Variants in ZFYVE16 observed in about 807,000 individuals in gnomAD.
ZFYVE16 encodes the protein zinc finger FYVE-type containing 16.
ZFYVE16 carries 89 observed loss-of-function variants against 138.1 expected under a neutral mutation model. The ratio of observed to expected loss-of-function variants is 0.64; its 90% CI spans 0.54 to 0.77. The LOEUF (loss-of-function observed/expected upper bound fraction) is 0.77, where lower values mean the gene tolerates loss of function less well. Ranked by LOEUF, ZFYVE16 falls within the 30% of genes least tolerant of loss-of-function variation. ZFYVE16 has a pLI of 0.00. For missense variants in ZFYVE16, 1,793 were observed against 1,786.7 expected (o/e 1.00, Z -0.06); for synonymous variants, 596 against 618.3 (o/e 0.96, Z 0.53).
At chr5:80,420,429 A>G (rs555140777) in intron 1 of ZFYVE16, among the ~76,000 whole-genome samples, 45 of 152,058 alleles carry the variant, frequency 3.0e-4, no homozygotes, top group Admixed American at 1.3e-4. Flanking sequence ...ATATCTCCTA[A>G]TGCTATCCCT....
intron 2 of ZFYVE16, 132 bp from the exon 3 acceptor site, chr5:80,433,977 A>G (rs1561262696): frequency 3.5e-6 from 2 of 571,592 alleles, no homozygotes; most frequent in Admixed American, 3.2e-5. Flanking sequence ...ACTAAATTGT[A>G]TATTCCTTAA....
At chr5:80,417,529 G>A (rs1460767535) in intron 1 of ZFYVE16, among the ~76,000 whole-genome samples, 1 of 152,100 alleles carries the variant, frequency 6.6e-6, no homozygotes, top group African/African-American at 2.4e-5. Flanking sequence ...TATCATTGGT[G>A]TTTTACTGTC....
chr5:80,410,639 C>T (rs769183565), intron 1 of ZFYVE16, among the ~76,000 whole-genome samples: 23 of 151,864 alleles, frequency 1.5e-4, no homozygotes, highest in Non-Finnish European at 2.2e-4. Flanking sequence ...GGCGTGATCT[C>T]GGCTCACTGT....
In ZFYVE16 at chr5:80,438,829, G is replaced by A. The variant is rs1157294437; in HGVS notation, c.2144G>A (p.Gly715Glu). The A allele has an allele frequency of 6.2e-7, 1 of 1,614,084 alleles. No individual in the cohort carries two copies. Among genetic ancestry groups the A allele is most frequent in the Non-Finnish European group, 8.5e-7 (1 of 1,179,974 alleles). The change falls in exon 4 of 19, where the codon GGA becomes GAA. Residue 715 changes from glycine to glutamate, a missense_variant. Physicochemically the swap from Gly to Glu is moderately conservative, Grantham distance 98 (BLOSUM62 -2). This residue lies in a region of ZFYVE16 where 1,295 missense variants were observed against 1,204.3 expected (regional missense o/e 1.08). Transcript: ENST00000505560. ...GATATAGAAAGTAATTCTGAAGGTG[G>A]ATCTAGTTTCGTAACTGCAAATGAA... is the stretch of plus-strand genomic sequence containing the variant. ...YIDIESNSEGGSSFVTANEDS... is the reference protein window; with the variant it reads ...YIDIESNSEGESSFVTANEDS...
intron 2 of ZFYVE16, among the ~76,000 whole-genome samples, chr5:80,430,721 A>T (rs1274995078): frequency 1.3e-5 from 2 of 152,232 alleles, no homozygotes; most frequent in Non-Finnish European, 2.9e-5. Context: ...AAGAGAGAAG[A>T]ATCAAATAGA....
intron 2 of ZFYVE16, among the ~76,000 whole-genome samples, chr5:80,431,042 T>C (rs537739134): frequency 9.8e-5 from 15 of 152,306 alleles, no homozygotes; most frequent in South Asian, 8.3e-4. Context: ...CTTCTGAAAC[T>C]ATTCCAATCA....
chr5:80,459,596 G>T (rs1473084641), intron 15 of ZFYVE16, 102 bp downstream of exon 15: 13 of 963,954 alleles, frequency 1.3e-5, no homozygotes, highest in Non-Finnish European at 1.7e-5. Context: ...AAGTTATAAA[G>T]CACAGTACCA....
At chr5:80,407,934 C>T (rs994176076), upstream of ZFYVE16, 4 of 152,362 alleles carry the variant, frequency 2.6e-5, no homozygotes, top group Non-Finnish European at 5.9e-5. Context: ...GCGCAAGCGC[C>T]CCGGGCCTGG....
intron 1 of ZFYVE16, among the ~76,000 whole-genome samples, chr5:80,427,135 C>T (rs999126090): frequency 4.0e-5 from 6 of 151,806 alleles, no homozygotes; most frequent in African/African-American, 9.7e-5. Context: ...CCTCCTGCCT[C>T]TTGCCTCCCT....
chr5:80,414,803 AG>A (rs1745970937), intron 1 of ZFYVE16, among the ~76,000 whole-genome samples: 1 of 152,236 alleles, frequency 6.6e-6, no homozygotes, highest in Non-Finnish European at 1.5e-5. Context: ...TTTAGAAAAG[AG>A]AAAAAAGAGC....
intron 18 of ZFYVE16, among the ~76,000 whole-genome samples, chr5:80,476,192 C>T (rs1754892960): frequency 6.6e-6 from 1 of 152,184 alleles, no homozygotes; most frequent in Non-Finnish European, 1.5e-5. Context: ...GATCTGTGGC[C>T]TCCCAAAGTG....
In ZFYVE16 at chr5:80,437,230, G is replaced by A. The variant is rs369000245; in HGVS notation, c.545G>A (p.Ser182Asn). 1.2e-6 allele frequency: 2 copies of A among 1,613,966 alleles called. No homozygotes were observed. The highest frequency in any genetic ancestry group is 8.5e-7 in the Non-Finnish European group (1 of 1,179,946). Reference sequence around the variant, plus strand: ...TGTGTTTCTTCAACAGACCATGATAGTGATACTGTCAGAGAACAACAGAAT... The same window carrying A: ...TGTGTTTCTTCAACAGACCATGATAATGATACTGTCAGAGAACAACAGAAT... The part of the protein sequence containing the change: ...TPCVSSTDHD[S>N]DTVREQQNDI... Residue 182 changes from serine to asparagine, a missense_variant, in exon 4 of 19, where the codon AGT becomes AAT. Coordinates refer to ENST00000505560, the MANE Select transcript of ZFYVE16 (RefSeq NM_001284236.3).
intron 6 of ZFYVE16, among the ~76,000 whole-genome samples, chr5:80,445,060 C>T (rs902949100): frequency 2.0e-5 from 3 of 152,106 alleles, no homozygotes; most frequent in African/African-American, 7.2e-5. Context: ...CTCCTGCTCC[C>T]TTTGTACGAA....
In ZFYVE16 at chr5:80,444,014, T is replaced by C. The variant is rs1163756307; in HGVS notation, c.2581+730T>C. The C allele has an allele frequency of 5.5e-5, 18 of 327,206 alleles. 1 individual carries two copies. Among genetic ancestry groups the C allele is most frequent in the Non-Finnish European group, 1.8e-5 (3 of 165,850 alleles). The allele number at this position is 327,206 out of a possible 1,614,324, so 20.3% of individuals were successfully genotyped here. On this transcript the variant is annotated intron_variant, in intron 6 of 18. Coordinates refer to ENST00000505560, the MANE Select transcript of ZFYVE16 (RefSeq NM_001284236.3). ...TATTTTTTAAATCTATTTTTAAATC[T>C]TTGAGTTGTCTGTTCTTTTTTACAA...
In ZFYVE16 at chr5:80,479,112, G is replaced by A. The variant is rs1370662620; in HGVS notation, c.*1735G>A. ...TATTCAATAAAAATTGGAATTATGTGCCTGAAGTTTGGAGGCACATTTTGA... is the reference window on the plus strand; with the variant it reads ...TATTCAATAAAAATTGGAATTATGTACCTGAAGTTTGGAGGCACATTTTGA... On this transcript the variant is annotated 3_prime_UTR_variant, in exon 19 of 19. Coordinates refer to ENST00000505560, the MANE Select transcript of ZFYVE16 (RefSeq NM_001284236.3). 2.6e-5 allele frequency: 4 copies of A among 152,136 alleles called. No homozygotes were observed. The highest frequency in any genetic ancestry group is 6.5e-5 in the Admixed American group (1 of 15,278). 9.4% of individuals were successfully genotyped at this position (152,136 alleles called of 1,614,324 possible). A position where few individuals can be genotyped will look rare whatever the true frequency, so the allele number is the denominator to read the frequency against.
intron 1 of ZFYVE16, among the ~76,000 whole-genome samples, chr5:80,416,407 C>T (rs1317997182): frequency 1.3e-5 from 2 of 151,852 alleles, no homozygotes; most frequent in African/African-American, 4.8e-5. Context: ...AGGCACGCAG[C>T]ACCATGCCCG....
intron 1 of ZFYVE16, among the ~76,000 whole-genome samples, chr5:80,411,134 A>AT (rs58086060): frequency 0.66 from 63,124 of 95,396 alleles, 23,123 homozygotes; most frequent in East Asian, 0.87. Context: ...CGCCCAGCTA[A>AT]TTTTTTTTTT....
In ZFYVE16 at chr5:80,438,970, T is replaced by C; in HGVS notation, c.2285T>C (p.Phe762Ser). The C allele has an allele frequency of 1.2e-6, 2 of 1,613,158 alleles. No homozygotes were observed. Among genetic ancestry groups the C allele is most frequent in the Non-Finnish European group, 1.7e-6 (2 of 1,179,410 alleles). The part of the protein sequence containing the change: ...NCMNCQVKFT[F>S]TKRRHHCRAC... ...ATGAACTGCCAAGTCAAATTTACTT[T>C]TACCAAACGGCGACACCATTGCCGA... Residue 762 changes from phenylalanine to serine, a missense_variant, in exon 4 of 19, where the codon TTT (phenylalanine) becomes TCT (serine). Coordinates refer to ENST00000505560, the MANE Select transcript of ZFYVE16 (RefSeq NM_001284236.3).
intron 1 of ZFYVE16, among the ~76,000 whole-genome samples, chr5:80,418,207 CCT>C (rs1214065507): frequency 6.7e-6 from 1 of 149,522 alleles, no homozygotes; most frequent in Admixed American, 6.7e-5. Flanking sequence ...CCTCTTCTCT[CCT>C]CTTTCTCCTC....
Sources: allele counts gnomAD v4.1 joint callset (sites outside exome capture counted in the v4.1 genomes callset), GRCh38; gene constraint gnomAD v4.1.1; regional missense constraint gnomAD v4.1.1; transcripts MANE v1.5; gene names NCBI Gene and HGNC (gene_info 2026-07-23, HGNC 2026-07-21).